HSPB8: variants seen among roughly 807,000 people sequenced by gnomAD.
The protein encoded by HSPB8 is heat shock protein family B (small) member 8, also known as heat shock protein beta-8.
In HSPB8, 9 loss-of-function variants were observed where a neutral mutation model predicts 16.5. That is an observed-to-expected ratio of 0.55 (90% CI 0.33 to 0.95). The LOEUF (loss-of-function observed/expected upper bound fraction) is 0.95, where lower values mean the gene tolerates loss of function less well. Ranked by LOEUF, HSPB8 falls within the 40% of genes least tolerant of loss-of-function variation. The probability of loss-of-function intolerance (pLI) is 0.03; values close to 1 mark genes in which losing one functional copy is unlikely to be tolerated. For synonymous variants in HSPB8, 99 were observed against 94.8 expected, an observed-to-expected ratio of 1.04 and a Z score of -0.26; for missense variants, 238 against 251.2, an observed-to-expected ratio of 0.95 and a Z score of 0.35.
chr12:119,194,447 A>G lies in HSPB8; in HGVS notation c.*589A>G, dbSNP rs1409131534. 1 of 164,470 alleles carries G rather than the reference A, an allele frequency of 6.1e-6. No individual in the cohort carries two copies. The highest frequency in any genetic ancestry group is 2.4e-5 in the African/African-American group (1 of 41,538). The allele number at this position is 164,470 out of a possible 1,614,324, so 10.2% of individuals were successfully genotyped here. ...CCAGATGTGTCCAGCACGTTCTCAA[A>G]GTTTCCACATTAGCACTCCCTAAGG... On this transcript the variant is annotated 3_prime_UTR_variant, in exon 3 of 3. Coordinates refer to ENST00000281938, the MANE Select transcript of HSPB8 (RefSeq NM_014365.3).
At position 119,194,159 on chromosome 12, in the gene HSPB8, C is replaced by T. The variant is rs1386131871; in HGVS notation, c.*301C>T. The T allele has an allele frequency of 2.4e-6, 1 of 424,014 alleles. No homozygotes were observed. The highest frequency in any genetic ancestry group is 3.7e-5 in the Admixed American group (1 of 27,396). The allele number at this position is 424,014 out of a possible 1,614,324, so 26.3% of individuals were successfully genotyped here. On this transcript the variant is annotated 3_prime_UTR_variant, in exon 3 of 3. Transcript: ENST00000281938. ...GCAAAACACATAAAAGGGGACTTAACATTTCACGTTGTATCTTACTTGCAG... is the reference window on the plus strand; with the variant it reads ...GCAAAACACATAAAAGGGGACTTAATATTTCACGTTGTATCTTACTTGCAG...
In HSPB8 at chr12:119,187,112, C is replaced by T. The variant is rs766523245; in HGVS notation, c.431+24C>T. Reference sequence around the variant, plus strand: ...CAGTAAGTAACCTGGAGTCATGGAGCTCAGGGTGGGAGTGGAGGAGGGGGC... The same window carrying T: ...CAGTAAGTAACCTGGAGTCATGGAGTTCAGGGTGGGAGTGGAGGAGGGGGC... On this transcript the variant is annotated intron_variant, in intron 2 of 2. Coordinates refer to ENST00000281938, the MANE Select transcript of HSPB8 (RefSeq NM_014365.3). 9 of 1,601,372 alleles carry T rather than the reference C, an allele frequency of 5.6e-6. 1 individual carries two copies. The South Asian group carries it at 9.9e-5, about 18-fold the overall frequency.
Position 119,193,690 on chromosome 12 carries a change from T to C in HSPB8, c.432-9T>C. ...ACAATAAATGAATAAAATCGTGTGT[T>C]TCTCCTAGGCTTCCTGCAGAGGTGG... On this transcript the variant is annotated splice_polypyrimidine_tract_variant and intron_variant, in intron 2 of 2. Transcript: ENST00000281938. 6.2e-7 allele frequency: 1 copy of C among 1,613,992 alleles called. No individual in the cohort carries two copies. Among genetic ancestry groups the C allele is most frequent in the Middle Eastern group, 1.6e-4 (1 of 6,062 alleles).
At chr12:119,185,438 A>G (rs1055924975) in intron 1 of HSPB8, among the ~76,000 whole-genome samples, 2 of 152,104 alleles carry the variant, frequency 1.3e-5, no homozygotes, top group African/African-American at 2.4e-5. Context: ...GGTTCAAGCA[A>G]TTCTCCTGCC....
chr12:119,188,358 G>A lies in HSPB8; in HGVS notation c.431+1270G>A, dbSNP rs1358185366. Among the ~76,000 whole-genome samples, 8 of 150,382 alleles carry A rather than the reference G, an allele frequency of 5.3e-5. No individual in the cohort carries two copies. The East Asian group carries it at 5.9e-4, about 11-fold the overall frequency. Reference sequence around the variant, plus strand: ...GCCTCCTGGGTTCAAGCAATTCTCCGGCCTCAATCTCCCAAGTAGCTGGGA... The same window carrying A: ...GCCTCCTGGGTTCAAGCAATTCTCCAGCCTCAATCTCCCAAGTAGCTGGGA... On this transcript the variant is annotated intron_variant, in intron 2 of 2. Transcript: ENST00000281938.
intron 2 of HSPB8, among the ~76,000 whole-genome samples, chr12:119,188,226 A>ACTCT (rs149750099): frequency 1.3e-4 from 18 of 137,100 alleles, no homozygotes; most frequent in Non-Finnish European, 2.5e-4. Context: ...TGGCCCCTAA[A>ACTCT]CTCTCTCTCT....
Position 119,194,031 on chromosome 12 carries a change from A to T in HSPB8, c.*173A>T, listed in dbSNP as rs905510204. The T allele has an allele frequency of 1.2e-5, 9 of 729,646 alleles. No homozygotes were observed. The East Asian group carries it at 2.4e-4, about 20-fold the overall frequency. The allele number at this position is 729,646 out of a possible 1,614,324, so 45.2% of individuals were successfully genotyped here. A position where few individuals can be genotyped will look rare whatever the true frequency, so the allele number is the denominator to read the frequency against. Reference sequence around the variant, plus strand: ...GTGTAGTGGTAGATTTCTCCACAGGATAGCGCAATTGGCAAATCATGCTTG... The same window carrying T: ...GTGTAGTGGTAGATTTCTCCACAGGTTAGCGCAATTGGCAAATCATGCTTG... On this transcript the variant is annotated 3_prime_UTR_variant, in exon 3 of 3. Coordinates refer to ENST00000281938, the MANE Select transcript of HSPB8 (RefSeq NM_014365.3).
rs1299064279 is a variant in HSPB8 at position 119,178,978 on chromosome 12, C to G, written c.-335C>G. 2.4e-6 allele frequency: 1 copy of G among 417,436 alleles called. No homozygotes were observed. The highest frequency in any genetic ancestry group is 3.7e-5 in the Admixed American group (1 of 26,876). 25.9% of individuals were successfully genotyped at this position (417,436 alleles called of 1,614,324 possible). ...TGCCCTGGGTTTATTAAGCTCCTGG[C>G]TCCGCTCTAGACCTCAGCGGTTCTG... On this transcript the variant is annotated 5_prime_UTR_variant, in exon 1 of 3. Transcript: ENST00000281938.
intron 1 of HSPB8, 38 bp downstream of exon 1, chr12:119,179,717 CG>C: frequency 6.5e-7 from 1 of 1,542,390 alleles, no homozygotes; most frequent in Non-Finnish European, 8.7e-7. Flanking sequence ...ATGGGGAGGC[CG>C]GGATGTAGCC....
intron 2 of HSPB8, among the ~76,000 whole-genome samples, chr12:119,189,919 C>A (rs1202204097): frequency 6.6e-6 from 1 of 152,206 alleles, no homozygotes; most frequent in African/African-American, 2.4e-5. Context: ...ATGACATGCA[C>A]CCATCCCTTC....
chr12:119,184,639 A>G (rs75229294), intron 1 of HSPB8, among the ~76,000 whole-genome samples: 2,648 of 152,340 alleles, frequency 0.017, 79 homozygotes, highest in African/African-American at 0.061. Context: ...CAGACACTCC[A>G]GTTTAAAATG....
At chr12:119,185,818 C>CA (rs1227351208) in intron 1 of HSPB8, among the ~76,000 whole-genome samples, 2 of 151,722 alleles carry the variant, frequency 1.3e-5, no homozygotes, top group East Asian at 1.9e-4. Context: ...TCTTAAAGCA[C>CA]AAAAAAAGCT....
rs1954620683 is a variant in HSPB8 at position 119,179,400 on chromosome 12, C to T, written c.88C>T (p.Leu30=). The change falls in exon 1 of 3, where the codon CTG becomes TTG. Residue 30 remains leucine (L), a synonymous_variant. Transcript: ENST00000281938. The part of the protein sequence containing the change: ...PFRDSPLSSR[L]LDDGFGMDPF... ...CCGGGACTCTCCCCTCTCCTCTCGCCTGCTGGATGATGGCTTTGGCATGGA... is the reference window on the plus strand; with the variant it reads ...CCGGGACTCTCCCCTCTCCTCTCGCTTGCTGGATGATGGCTTTGGCATGGA... The T allele has an allele frequency of 5.0e-6, 8 of 1,614,040 alleles. No individual in the cohort carries two copies. The highest frequency in any genetic ancestry group is 6.8e-6 in the Non-Finnish European group (8 of 1,180,050).
chr12:119,179,578 C>A lies in HSPB8; in HGVS notation c.266C>A (p.Pro89Gln), dbSNP rs35909818. The A allele has an allele frequency of 8.1e-6, 13 of 1,612,078 alleles. No individual in the cohort carries two copies. In the East Asian group the frequency reaches 2.5e-4, roughly 30 times the overall value. The change falls in exon 1 of 3, where the codon CCA (proline) becomes CAA (glutamine). Residue 89 changes from proline (P) to glutamine (Q), a missense_variant. Physicochemically the swap from Pro to Gln is moderately conservative, Grantham distance 76. Transcript: ENST00000281938. ...GTGCCTGCCGAGGGCAGGACCCCCC[C>A]ACCCTTCCCTGGGGAGCCCTGGAAA... ...FGVPAEGRTP[P>Q]PFPGEPWKVC...
chr12:119,180,711 CTT>C (rs922574592), intron 1 of HSPB8, among the ~76,000 whole-genome samples: 1 of 152,192 alleles, frequency 6.6e-6, no homozygotes, highest in Non-Finnish European at 1.5e-5. Context: ...GTAGAAAAAT[CTT>C]TCTTTTCCTT....
chr12:119,185,625 C>T (rs1250504238), intron 1 of HSPB8, among the ~76,000 whole-genome samples: 3 of 150,916 alleles, frequency 2.0e-5, no homozygotes, highest in African/African-American at 4.9e-5. Flanking sequence ...AGTCACCACG[C>T]CCTGCCTATT....
At chr12:119,180,386 AAAG>A (rs1290414540) in intron 1 of HSPB8, among the ~76,000 whole-genome samples, 1 of 152,226 alleles carries the variant, frequency 6.6e-6, no homozygotes, top group Non-Finnish European at 1.5e-5. Context: ...AGGAGGCCAG[AAAG>A]AAGAAGTGAT....
At chr12:119,179,709 G>T in intron 1 of HSPB8, 30 bp downstream of exon 1, 2 of 1,547,680 alleles carry the variant, frequency 1.3e-6, no homozygotes, top group South Asian at 1.3e-5. Flanking sequence ...GAGAGAGAAT[G>T]GGGAGGCCGG....
Position 119,179,104 on chromosome 12 carries a change from GC to G in HSPB8, c.-205del. ...GACCCTCTGGGATTCTGCTGGATCT[GC>G]CCCGGGGGTTACCTTTGGGGGCTGG... On this transcript the variant is annotated 5_prime_UTR_variant, in exon 1 of 3. Transcript: ENST00000281938. The G allele has an allele frequency of 1.6e-6, 1 of 643,052 alleles. No homozygotes were observed. The highest frequency in any genetic ancestry group is 1.8e-5 in the South Asian group (1 of 56,708). The allele number at this position is 643,052 out of a possible 1,614,324, so 39.8% of individuals were successfully genotyped here.
Sources: gnomAD v4.1 joint callset for allele counts (sites outside exome capture counted in the v4.1 genomes callset) on GRCh38, gnomAD v4.1.1 for gene constraint, MANE v1.5 for transcripts, NCBI Gene and HGNC (gene_info 2026-07-23, HGNC 2026-07-21) for gene names.